Variants in PCDH9 observed in about 807,000 individuals in gnomAD.
PCDH9 encodes the protein protocadherin-9.
PCDH9 carries 24 observed loss-of-function variants against 70.6 expected under a neutral mutation model. The ratio of observed to expected loss-of-function variants is 0.34; its 90% CI spans 0.25 to 0.48. The LOEUF (loss-of-function observed/expected upper bound fraction) is 0.48. Among genes scored for constraint, PCDH9 ranks in the 20% least tolerant of loss-of-function variants. The probability of loss-of-function intolerance (pLI) is 0.99; values close to 1 mark genes in which losing one functional copy is unlikely to be tolerated. For synonymous variants in PCDH9, 562 were observed against 558.5 expected (o/e 1.01, Z -0.09); for missense variants, 1,281 against 1,503.6 (o/e 0.85, Z 2.45).
chr13:66,663,572 A>G (rs2078049574), intron 3 of PCDH9, among the ~76,000 whole-genome samples: 1 of 152,210 alleles, frequency 6.6e-6, no homozygotes, highest in Non-Finnish European at 1.5e-5. Flanking sequence ...CTTCAAACAG[A>G]TGGATGTCTA....
Position 66,700,923 on chromosome 13 carries a change from A to AT in PCDH9, c.3139-69513_3139-69512insA, listed in dbSNP as rs1566514288. Reference sequence around the variant, plus strand: ...ATGAAAATATATGTGTGTACATATAAATATATATATATATATATATATATA... The same window carrying AT: ...ATGAAAATATATGTGTGTACATATAATATATATATATATATATATATATATA... On this transcript the variant is annotated intron_variant, in intron 3 of 4. Coordinates refer to ENST00000377865, the MANE Select transcript of PCDH9 (RefSeq NM_203487.3). 2.5e-3 allele frequency among the ~76,000 whole-genome samples: 149 copies of AT among 58,444 alleles called. 22 individuals are homozygous for AT. The highest frequency in any genetic ancestry group is 0.012 in the Middle Eastern group (1 of 82). 38.3% of individuals were successfully genotyped at this position (58,444 alleles called of 152,430 possible). A position where few individuals can be genotyped will look rare whatever the true frequency, so the allele number is the denominator to read the frequency against.
intron 4 of PCDH9, among the ~76,000 whole-genome samples, chr13:66,605,706 T>C (rs1438450081): frequency 6.6e-6 from 1 of 152,168 alleles, no homozygotes; most frequent in Admixed American, 6.5e-5. Context: ...GCCAGATGAA[T>C]CAACATGTTT....
chr13:66,933,978 T>C lies in PCDH9; in HGVS notation c.3037-30373A>G, dbSNP rs1038802119. ...AGACAAAGATCTACTTAACGTGTAA[T>C]CATGCTGAACAAAATTAATCAATTT... is the stretch of plus-strand genomic sequence containing the variant. On this transcript the variant is annotated intron_variant, in intron 2 of 4. Coordinates refer to ENST00000377865, the MANE Select transcript of PCDH9 (RefSeq NM_203487.3). Among the ~76,000 whole-genome samples, 58 of 151,122 alleles carry C rather than the reference T, an allele frequency of 3.8e-4. 1 individual carries two copies. Among genetic ancestry groups the C allele is most frequent in the African/African-American group, 1.2e-3 (50 of 41,178 alleles).
intron 3 of PCDH9, among the ~76,000 whole-genome samples, chr13:66,874,646 G>A (rs1460493924): frequency 6.6e-6 from 1 of 151,988 alleles, no homozygotes; most frequent in South Asian, 2.1e-4. Flanking sequence ...AGATAAATGA[G>A]GATACGCAGG....
At chr13:66,812,333 G>A (rs1186376899) in intron 3 of PCDH9, among the ~76,000 whole-genome samples, 5 of 152,110 alleles carry the variant, frequency 3.3e-5, no homozygotes, top group African/African-American at 9.6e-5. Context: ...AAACTAGACA[G>A]CTAAGGAAAA....
intron 2 of PCDH9, among the ~76,000 whole-genome samples, chr13:66,940,162 AT>A (rs764899488): frequency 1.4e-4 from 22 of 152,190 alleles, no homozygotes; most frequent in Non-Finnish European, 2.9e-4. Flanking sequence ...TTTAATTCTA[AT>A]TTTCTTTTCA....
chr13:67,028,175 T>G (rs1275625007), intron 2 of PCDH9, among the ~76,000 whole-genome samples: 4 of 147,516 alleles, frequency 2.7e-5, no homozygotes, highest in Non-Finnish European at 6.0e-5. Flanking sequence ...AACCCAAATG[T>G]CCAACAGTGA....
intron 2 of PCDH9, among the ~76,000 whole-genome samples, chr13:67,167,189 C>T (rs1307717867): frequency 6.6e-6 from 1 of 152,048 alleles, no homozygotes; most frequent in Admixed American, 6.6e-5. Flanking sequence ...TGGTTAAGCA[C>T]ATGATGAAGT....
At chr13:67,132,866 C>T (rs992250647) in intron 2 of PCDH9, among the ~76,000 whole-genome samples, 3 of 152,048 alleles carry the variant, frequency 2.0e-5, no homozygotes, top group Non-Finnish European at 4.4e-5. Flanking sequence ...AAAACTCTTA[C>T]GTTCCTCCAA....
chr13:66,906,019 G>A (rs907947983), intron 2 of PCDH9, among the ~76,000 whole-genome samples: 1 of 152,094 alleles, frequency 6.6e-6, no homozygotes, highest in African/African-American at 2.4e-5. Flanking sequence ...TGCATGTTAT[G>A]TGTCAGAATT....
chr13:66,549,547 G>T (rs1360141483), intron 4 of PCDH9, among the ~76,000 whole-genome samples: 1 of 151,664 alleles, frequency 6.6e-6, no homozygotes, highest in African/African-American at 2.4e-5. Context: ...TTAAAAAAAG[G>T]TTTTTTTGGA....
intron 4 of PCDH9, among the ~76,000 whole-genome samples, chr13:66,583,941 T>A (rs979103343): frequency 6.6e-6 from 1 of 152,204 alleles, no homozygotes; most frequent in Non-Finnish European, 1.5e-5. Context: ...GATGTTACCA[T>A]TTACATAGTC....
chr13:66,899,477 C>A (rs1244518659), intron 3 of PCDH9, among the ~76,000 whole-genome samples: 3 of 151,984 alleles, frequency 2.0e-5, no homozygotes, highest in African/African-American at 7.2e-5. Context: ...AATTCATACA[C>A]TGAACACTAA....
chr13:66,810,929 C>T (rs975872098), intron 3 of PCDH9, among the ~76,000 whole-genome samples: 3 of 151,808 alleles, frequency 2.0e-5, no homozygotes, highest in African/African-American at 7.3e-5. Flanking sequence ...ACAAAATTCC[C>T]TTTACCTAAT....
At chr13:66,862,127 T>C (rs1462231432) in intron 3 of PCDH9, among the ~76,000 whole-genome samples, 4 of 152,242 alleles carry the variant, frequency 2.6e-5, no homozygotes, top group Non-Finnish European at 5.9e-5. Flanking sequence ...CATGGCTCTG[T>C]TACCTTTACA....
intron 2 of PCDH9, among the ~76,000 whole-genome samples, chr13:67,034,684 T>C (rs1458119627): frequency 6.6e-6 from 1 of 151,988 alleles, no homozygotes; most frequent in African/African-American, 2.4e-5. Context: ...TTTTTTTTTT[T>C]TTAACTTTTA....
chr13:66,377,499 GA>G (rs143381232), intron 4 of PCDH9, among the ~76,000 whole-genome samples: 41 of 150,608 alleles, frequency 2.7e-4, no homozygotes, highest in Middle Eastern at 6.8e-3. Flanking sequence ...ATTCTTAAAA[GA>G]AAAAAAAAGA....
At chr13:66,963,253 C>T (rs927193920) in intron 2 of PCDH9, among the ~76,000 whole-genome samples, 5 of 152,108 alleles carry the variant, frequency 3.3e-5, no homozygotes, top group Non-Finnish European at 5.9e-5. Context: ...AGACTGGTAC[C>T]GGTTCATAGC....
At chr13:66,818,202 T>C (rs1298371173) in intron 3 of PCDH9, among the ~76,000 whole-genome samples, 1 of 152,218 alleles carries the variant, frequency 6.6e-6, no homozygotes, top group Non-Finnish European at 1.5e-5. Flanking sequence ...TCCTTTCTCC[T>C]AGCCATGGGC....
Sources: gnomAD v4.1 joint callset for allele counts (sites outside exome capture counted in the v4.1 genomes callset) on GRCh38, gnomAD v4.1.1 for gene constraint, MANE v1.5 for transcripts, NCBI Gene and HGNC (gene_info 2026-07-23, HGNC 2026-07-21) for gene names.